ANKRD44: variants seen among roughly 807,000 people sequenced by gnomAD.
The protein encoded by ANKRD44 is ankyrin repeat domain 44.
Under a neutral mutation model 116.0 loss-of-function variants are expected in ANKRD44, and 35 were observed. That is an observed-to-expected ratio of 0.30 (90% confidence interval 0.23 to 0.40). ANKRD44 has a LOEUF of 0.40. Among genes scored for constraint, ANKRD44 ranks in the 10% least tolerant of loss-of-function variants. ANKRD44 has a pLI of 1.00. For synonymous variants in ANKRD44, 435 were observed against 461.8 expected (o/e 0.94, Z 0.74); for missense variants, 1,014 against 1,242.6 (o/e 0.82, Z 2.77).
At chr2:196,996,902 C>CAAAA (rs55760106) in intron 25 of ANKRD44, among the ~76,000 whole-genome samples, 20 of 88,854 alleles carry the variant, frequency 2.3e-4, no homozygotes, top group Admixed American at 4.3e-4. Flanking sequence ...GACTCTGCCT[C>CAAAA]AAAAAAAAAA....
At position 197,078,815 on chromosome 2, in the gene ANKRD44, C is replaced by T; in HGVS notation, c.1539-1G>A. 1 of 1,612,408 alleles carries T rather than the reference C, an allele frequency of 6.2e-7. No homozygotes were observed. Among genetic ancestry groups the T allele is most frequent in the Non-Finnish European group, 8.5e-7 (1 of 1,178,946 alleles). ...ATTTTGAAGCAGAAACTCTAGACAT[C>T]TGTAAGTATAAAGATGAAGTGTTAT... On this transcript the variant is annotated splice_acceptor_variant, in intron 15 of 27. Transcript: ENST00000282272. LOFTEE classifies it high-confidence loss of function.
intron 1 of ANKRD44, among the ~76,000 whole-genome samples, chr2:197,237,024 A>G (rs577044330): frequency 1.3e-5 from 2 of 152,300 alleles, no homozygotes; most frequent in South Asian, 4.1e-4. Context: ...GGCAGCGGGG[A>G]GAGATGGCAA....
intron 4 of ANKRD44, among the ~76,000 whole-genome samples, chr2:197,129,609 G>A (rs1048383911): frequency 1.3e-5 from 2 of 152,166 alleles, no homozygotes; most frequent in African/African-American, 4.8e-5. Context: ...GCTGTCATGG[G>A]ATGTCATATG....
At chr2:197,202,148 A>G (rs529077087) in intron 1 of ANKRD44, among the ~76,000 whole-genome samples, 37 of 152,324 alleles carry the variant, frequency 2.4e-4, no homozygotes, top group African/African-American at 8.7e-4. Context: ...AGTACTTGGT[A>G]CATTTGGCAC....
At chr2:197,224,473 T>C (rs2081655309) in intron 1 of ANKRD44, among the ~76,000 whole-genome samples, 1 of 152,212 alleles carries the variant, frequency 6.6e-6, no homozygotes, top group Non-Finnish European at 1.5e-5. Flanking sequence ...TAAGAGATGC[T>C]CTTCAAAAAT....
chr2:197,304,320 A>T (rs114704172), intron 1 of ANKRD44, among the ~76,000 whole-genome samples: 1,747 of 152,318 alleles, frequency 0.011, 26 homozygotes, highest in African/African-American at 0.04. Flanking sequence ...TCCCAAAAAA[A>T]TAAAAATACA....
chr2:197,085,510 C>A (rs985058935), intron 13 of ANKRD44, among the ~76,000 whole-genome samples: 2 of 152,122 alleles, frequency 1.3e-5, no homozygotes, highest in Non-Finnish European at 2.9e-5. Flanking sequence ...GAAGACCTTG[C>A]TGATGAAACA....
chr2:197,173,608 T>G (rs2080292741), intron 2 of ANKRD44, among the ~76,000 whole-genome samples: 1 of 152,196 alleles, frequency 6.6e-6, no homozygotes, highest in African/African-American at 2.4e-5. Flanking sequence ...GGGAGACCTA[T>G]ATATTGAAAT....
At chr2:197,046,786 T>C (rs1006443296) in intron 16 of ANKRD44, among the ~76,000 whole-genome samples, 31 of 152,348 alleles carry the variant, frequency 2.0e-4, no homozygotes, top group African/African-American at 7.2e-4. Flanking sequence ...AAATCTTTAC[T>C]GTACTCATCC....
chr2:197,235,558 G>A (rs561602255), intron 1 of ANKRD44, among the ~76,000 whole-genome samples: 7 of 150,156 alleles, frequency 4.7e-5, no homozygotes, highest in Non-Finnish European at 8.9e-5. Flanking sequence ...AGAGGTTGCA[G>A]TGAGCCGAGA....
chr2:197,187,032 C>G lies in ANKRD44; in HGVS notation c.102G>C (p.Val34=), dbSNP rs1278056777. 1.2e-6 allele frequency: 2 copies of G among 1,614,054 alleles called. No individual in the cohort carries two copies. Among genetic ancestry groups the G allele is most frequent in the South Asian group, 1.1e-5 (1 of 91,060 alleles). Residue 34 remains valine, a synonymous_variant, in exon 2 of 28, where the codon GTG becomes GTC. Transcript: ENST00000282272. ...CCACAGTATCTCTTACCAGAGTATTCACATCTTCAGTTTTATGGATGAGCA... is the reference window on the plus strand; with the variant it reads ...CCACAGTATCTCTTACCAGAGTATTGACATCTTCAGTTTTATGGATGAGCA... The part of the protein sequence containing the change: ...IRMLIHKTED[V]NTLDSEKRTP...
At chr2:197,234,486 C>G (rs1393690826) in intron 1 of ANKRD44, among the ~76,000 whole-genome samples, 1 of 152,238 alleles carries the variant, frequency 6.6e-6, no homozygotes, top group Non-Finnish European at 1.5e-5. Flanking sequence ...GCCACCACGC[C>G]CAGCCCAGCC....
chr2:197,046,472 C>A (rs2077002758), intron 16 of ANKRD44, among the ~76,000 whole-genome samples: 1 of 152,082 alleles, frequency 6.6e-6, no homozygotes, highest in Non-Finnish European at 1.5e-5. Context: ...TCACTCCTAT[C>A]TCTGAATTTA....
chr2:197,232,901 A>C (rs912078154), intron 1 of ANKRD44, among the ~76,000 whole-genome samples: 1 of 152,198 alleles, frequency 6.6e-6, no homozygotes, highest in Non-Finnish European at 1.5e-5. Flanking sequence ...ACACAACCTC[A>C]TATTTGTAAA....
chr2:196,971,693 T>C (rs1288069681), intron 21 of ANKRD44, among the ~76,000 whole-genome samples: 2 of 152,178 alleles, frequency 1.3e-5, no homozygotes, highest in African/African-American at 4.8e-5. Flanking sequence ...AAGAGGATAC[T>C]GGCTAGCAGT....
intron 8 of ANKRD44, among the ~76,000 whole-genome samples, chr2:197,120,250 C>T (rs1172535441): frequency 6.6e-6 from 1 of 152,138 alleles, no homozygotes; most frequent in Non-Finnish European, 1.5e-5. Context: ...CTTTCAGTAC[C>T]AAACAGAGGG....
chr2:197,209,868 G>C (rs1186308391), intron 1 of ANKRD44, among the ~76,000 whole-genome samples: 1 of 152,212 alleles, frequency 6.6e-6, no homozygotes, highest in Non-Finnish European at 1.5e-5. Flanking sequence ...ATCAGATGAG[G>C]GTTTAGCCTA....
At position 197,201,586 on chromosome 2, in the gene ANKRD44, G is replaced by A. The variant is rs1041251869; in HGVS notation, c.28-14480C>T. On this transcript the variant is annotated intron_variant, in intron 1 of 27. Transcript: ENST00000282272. The surrounding 1 kb of genome is among the most constrained non-coding windows in gnomAD (Gnocchi z 4.0). ...TGAATGATGTGGAGACCCTGTTAGT[G>A]TCGTCGCATGTTAAATCTAGATTTG... Among the ~76,000 whole-genome samples the A allele has an allele frequency of 2.6e-5, 4 of 152,184 alleles. No homozygotes were observed. The highest frequency in any genetic ancestry group is 9.6e-5 in the African/African-American group (4 of 41,452).
chr2:197,176,351 T>C (rs2080363131), intron 2 of ANKRD44, among the ~76,000 whole-genome samples: 1 of 152,170 alleles, frequency 6.6e-6, no homozygotes, highest in Non-Finnish European at 1.5e-5. Context: ...CTAACTGATA[T>C]ACATACATCA....
Sources: allele counts gnomAD v4.1 joint callset (sites outside exome capture counted in the v4.1 genomes callset), GRCh38; gene constraint gnomAD v4.1.1; non-coding constraint Gnocchi (gnomAD v3.1); transcripts MANE v1.5; gene names NCBI Gene and HGNC (gene_info 2026-07-23, HGNC 2026-07-21).